The following ARHGAP32 variants were observed in gnomAD, a reference collection of about 807,000 sequenced individuals.
ARHGAP32 encodes the protein Rho GTPase activating protein 32.
In ARHGAP32, 51 loss-of-function variants were observed where a neutral mutation model predicts 186.5. The ratio of observed to expected loss-of-function variants is 0.27; its 90% confidence interval spans 0.22 to 0.35. The LOEUF (loss-of-function observed/expected upper bound fraction) is 0.35. Among genes scored for constraint, ARHGAP32 ranks in the 10% least tolerant of loss-of-function variants. ARHGAP32 has a pLI of 1.00. For missense variants in ARHGAP32, 2,186 were observed against 2,623.5 expected (o/e 0.83, Z 3.64); for synonymous variants, 950 against 964.3 (o/e 0.99, Z 0.27).
intron 6 of ARHGAP32, among the ~76,000 whole-genome samples, chr11:129,084,549 G>C (rs1177037452): frequency 6.6e-6 from 1 of 151,884 alleles, no homozygotes; most frequent in East Asian, 1.9e-4. Flanking sequence ...GGCTAAAGAA[G>C]AATAAAAATC....
intron 6 of ARHGAP32, among the ~76,000 whole-genome samples, chr11:129,071,374 A>G (rs1940860728): frequency 6.6e-6 from 1 of 152,102 alleles, no homozygotes; most frequent in African/African-American, 2.4e-5. Flanking sequence ...AAAAAAAATA[A>G]CCCAATTAAC....
chr11:129,070,956 AC>A (rs1385727740), intron 6 of ARHGAP32, among the ~76,000 whole-genome samples: 1 of 151,978 alleles, frequency 6.6e-6, no homozygotes, highest in Non-Finnish European at 1.5e-5. Context: ...ATTTTTGCCA[AC>A]CTTTCTACTG....
At chr11:129,218,737 A>G (rs1341314900) in intron 1 of ARHGAP32, among the ~76,000 whole-genome samples, 1 of 110,446 alleles carries the variant, frequency 9.1e-6, no homozygotes, top group Non-Finnish European at 1.8e-5. Context: ...GAATGTAAAA[A>G]ACAACAACAA....
intron 11 of ARHGAP32, among the ~76,000 whole-genome samples, chr11:129,020,800 A>T (rs1938561034): frequency 1.3e-5 from 2 of 152,030 alleles, no homozygotes; most frequent in Non-Finnish European, 2.9e-5. Context: ...TTTTAGATAA[A>T]TTGAGTCTTG....
intron 6 of ARHGAP32, among the ~76,000 whole-genome samples, chr11:129,073,003 T>C (rs1161535155): frequency 6.6e-6 from 1 of 152,146 alleles, no homozygotes; most frequent in Non-Finnish European, 1.5e-5. Context: ...CATCGTGTCC[T>C]ACCTAAAGGT....
At chr11:128,984,840 G>C (rs1945815373) in intron 15 of ARHGAP32, among the ~76,000 whole-genome samples, 1 of 151,832 alleles carries the variant, frequency 6.6e-6, no homozygotes, top group East Asian at 1.9e-4. Flanking sequence ...GTATATTATT[G>C]AACATCTATC....
chr11:129,076,930 G>A (rs1796180511), intron 6 of ARHGAP32, among the ~76,000 whole-genome samples: 1 of 152,178 alleles, frequency 6.6e-6, no homozygotes, highest in South Asian at 2.1e-4. Context: ...GAAAAACTGT[G>A]AGTGCCCCAA....
At chr11:129,191,029 T>A (rs536972129) in intron 1 of ARHGAP32, among the ~76,000 whole-genome samples, 1 of 152,182 alleles carries the variant, frequency 6.6e-6, no homozygotes, top group African/African-American at 2.4e-5. Context: ...TTAGTGAGGG[T>A]TATCAAGAGT....
chr11:129,003,087 T>C (rs966112933), intron 11 of ARHGAP32, among the ~76,000 whole-genome samples: 2 of 152,196 alleles, frequency 1.3e-5, no homozygotes, highest in East Asian at 1.9e-4. Flanking sequence ...TGAGCCACCG[T>C]GCCCGGCCAA....
chr11:128,998,200 T>G (rs570478638), intron 12 of ARHGAP32, 119 bp downstream of exon 12: 1 of 793,822 alleles, frequency 1.3e-6, no homozygotes, highest in Non-Finnish European at 1.8e-6. Context: ...GCTTAGTACA[T>G]GCATTGAACT....
chr11:129,118,753 A>G (rs973040966), intron 5 of ARHGAP32, among the ~76,000 whole-genome samples: 23 of 151,966 alleles, frequency 1.5e-4, no homozygotes, highest in Non-Finnish European at 1.5e-5. Flanking sequence ...TTTATTTAAA[A>G]GGGGTGGAGA....
At chr11:129,073,071 AG>A (rs1940919504) in intron 6 of ARHGAP32, among the ~76,000 whole-genome samples, 1 of 152,214 alleles carries the variant, frequency 6.6e-6, no homozygotes, top group Non-Finnish European at 1.5e-5. Context: ...TCAGAGGCAC[AG>A]GCTCACAAAA....
chr11:129,202,120 G>A (rs1041830081), intron 1 of ARHGAP32, among the ~76,000 whole-genome samples: 1 of 151,720 alleles, frequency 6.6e-6, no homozygotes, highest in Non-Finnish European at 1.5e-5. Flanking sequence ...AATAAAAATA[G>A]TATTTTTAAT....
intron 2 of ARHGAP32, among the ~76,000 whole-genome samples, chr11:129,154,541 T>A (rs1299765989): frequency 6.6e-6 from 1 of 152,100 alleles, no homozygotes; most frequent in Non-Finnish European, 1.5e-5. Context: ...TACAGAATAC[T>A]ACTCAGCCAC....
intron 1 of ARHGAP32, among the ~76,000 whole-genome samples, chr11:129,174,632 C>A (rs191072636): frequency 0.068 from 10,285 of 152,228 alleles, 409 homozygotes; most frequent in Middle Eastern, 0.078. Flanking sequence ...GGGTCCCTGA[C>A]CCCTGACCCC....
At chr11:129,032,232 A>G (rs1037098556) in intron 11 of ARHGAP32, among the ~76,000 whole-genome samples, 2 of 152,222 alleles carry the variant, frequency 1.3e-5, no homozygotes, top group African/African-American at 4.8e-5. Flanking sequence ...TGGGGCGCCA[A>G]GGGTCGTGGG....
At chr11:129,233,723 A>G (rs747293547) in intron 1 of ARHGAP32, among the ~76,000 whole-genome samples, 18 of 151,958 alleles carry the variant, frequency 1.2e-4, no homozygotes, top group Non-Finnish European at 2.1e-4. Flanking sequence ...GTTAAAATGA[A>G]CTGTATCCAT....
chr11:129,261,323 G>A (rs1167676821), intron 1 of ARHGAP32, among the ~76,000 whole-genome samples: 1 of 152,080 alleles, frequency 6.6e-6, no homozygotes, highest in Non-Finnish European at 1.5e-5. Context: ...AACCACTGGT[G>A]CCATTATAGA....
intron 2 of ARHGAP32, among the ~76,000 whole-genome samples, chr11:129,134,242 G>A (rs770730065): frequency 6.6e-6 from 1 of 151,768 alleles, no homozygotes; most frequent in Admixed American, 6.6e-5. Flanking sequence ...CATCCTTAAT[G>A]TGATTTTTGA....
Sources: gnomAD v4.1 joint callset for allele counts (sites outside exome capture counted in the v4.1 genomes callset) on GRCh38, gnomAD v4.1.1 for gene constraint, MANE v1.5 for transcripts, NCBI Gene and HGNC (gene_info 2026-07-23, HGNC 2026-07-21) for gene names.